The following KLC3 variants were observed in gnomAD, a reference collection of about 807,000 sequenced individuals.
The protein encoded by KLC3 is kinesin light chain 2.
Under a neutral mutation model 62.9 loss-of-function variants are expected in KLC3, and 72 were observed. That is an observed-to-expected ratio of 1.15 (90% CI 0.95 to 1.39). The LOEUF is 1.39. Ranked by LOEUF, KLC3 falls within the 40% of genes most tolerant of loss-of-function variation. The pLI, the probability that KLC3 is intolerant of heterozygous loss-of-function variation, is 0.00. For missense variants in KLC3, 848 were observed against 691.6 expected, an observed-to-expected ratio of 1.23 and a Z score of -2.54; for synonymous variants, 377 against 300.5, an observed-to-expected ratio of 1.25 and a Z score of -2.63.
intron 1 of KLC3, among the ~76,000 whole-genome samples, chr19:45,342,102 G>A (rs953322088): frequency 6.6e-6 from 1 of 152,070 alleles, no homozygotes; most frequent in Non-Finnish European, 1.5e-5. Context: ...TGCTGTGGTT[G>A]TCAATCTGGC....
chr19:45,341,578 T>TGTGTGTGTGTGCGCGCGCAC, intron 1 of KLC3, among the ~76,000 whole-genome samples: 19 of 139,798 alleles, frequency 1.4e-4, no homozygotes, highest in African/African-American at 5.1e-4. Context: ...TGTGTGTGTG[T>TGTGTGTGTGTGCGCGCGCAC]GCGCGCGCGC....
At chr19:45,349,337 TA>T in intron 7 of KLC3, 91 bp from the exon 8 acceptor site, 1 of 1,334,870 alleles carries the variant, frequency 7.5e-7, no homozygotes, top group Non-Finnish European at 1.0e-6. Context: ...TTTGACCCTG[TA>T]ATCCCCAACT....
chr19:45,350,783 T>G (rs756865438), intron 11 of KLC3, 36 bp downstream of exon 11: 23 of 1,568,932 alleles, frequency 1.5e-5, no homozygotes, highest in Non-Finnish European at 1.8e-5. Context: ...AGCCCTGACA[T>G]CAGCAGAATC....
rs200961718 is a variant in KLC3 at position 45,350,402 on chromosome 19, T to C, written c.1205T>C (p.Leu402Pro). ...QQAEELYKEI[L>P]HKEDLPAPLG... is the part of the protein sequence containing the mutation. ...GCGGAAGAGCTGTACAAAGAAATCCTCCACAAGGAGGACCTACCCGCCCCT... is the reference window on the plus strand; with the variant it reads ...GCGGAAGAGCTGTACAAAGAAATCCCCCACAAGGAGGACCTACCCGCCCCT... The change falls in exon 9 of 13, where the codon CTC becomes CCC. Residue 402 changes from leucine to proline, a missense_variant. Leu to Pro is a moderately conservative substitution (Grantham distance 98, BLOSUM62 -3). Coordinates refer to ENST00000391946, the MANE Select transcript of KLC3 (RefSeq NM_177417.3). 2.5e-4 allele frequency: 398 copies of C among 1,612,228 alleles called. No individual in the cohort carries two copies. Among genetic ancestry groups the C allele is most frequent in the Non-Finnish European group, 3.3e-4 (385 of 1,179,700 alleles).
intron 8 of KLC3, 76 bp downstream of exon 8, chr19:45,349,678 G>T: frequency 9.3e-7 from 1 of 1,078,038 alleles, no homozygotes; most frequent in South Asian, 1.7e-5. Context: ...GTTGGATACA[G>T]GGTGAGCAAC....
At chr19:45,346,362 AATC>A (rs1417228654) in intron 2 of KLC3, among the ~76,000 whole-genome samples, 179 bp from the exon 3 acceptor site, 2 of 151,994 alleles carry the variant, frequency 1.3e-5, no homozygotes, top group Non-Finnish European at 2.9e-5. Context: ...TTGGGGGTAA[AATC>A]AGAGGGGCCC....
intron 5 of KLC3, 139 bp downstream of exon 5, chr19:45,348,299 G>A: frequency 7.4e-6 from 6 of 806,256 alleles, no homozygotes; most frequent in Non-Finnish European, 9.7e-6. Flanking sequence ...AATGGGAAAG[G>A]AAGGGAAGGC....
chr19:45,346,866 ATCC>A (rs1971509872), intron 3 of KLC3, 92 bp downstream of exon 3: 2 of 1,222,220 alleles, frequency 1.6e-6, no homozygotes, highest in Non-Finnish European at 2.3e-6. Flanking sequence ...AGTCCCCAAG[ATCC>A]TCCTTAGAAT....
chr19:45,351,090 G>A (rs192250981), intron 12 of KLC3, 73 bp downstream of exon 12: 200 of 1,611,712 alleles, frequency 1.2e-4, no homozygotes, highest in East Asian at 2.7e-4. Context: ...AAGGCAGGGC[G>A]GTCGGGCCAG....
intron 8 of KLC3, 64 bp from the exon 9 acceptor site, chr19:45,350,277 C>A: frequency 1.7e-6 from 2 of 1,173,386 alleles, no homozygotes; most frequent in Non-Finnish European, 2.4e-6. Context: ...AAAAAAAAGG[C>A]GGGACTGGAT....
At chr19:45,346,245 C>T (rs569084976) in intron 2 of KLC3, among the ~76,000 whole-genome samples, 18 of 152,104 alleles carry the variant, frequency 1.2e-4, no homozygotes, top group African/African-American at 4.3e-4. Flanking sequence ...AGGGGAGGCT[C>T]CAGGTCAGAG....
rs369257383 is a variant in KLC3 at position 45,346,685 on chromosome 19, G to A, written c.400G>A (p.Glu134Lys). The change falls in exon 3 of 13, where the codon GAG (glutamate) becomes AAG (lysine). Residue 134 changes from glutamate to lysine, a missense_variant. Glu to Lys is a moderately conservative substitution (Grantham distance 56, BLOSUM62 1). Transcript: ENST00000391946. ...EETQRRLRAS[E>K]ESVAQLEEEK... ...GACGCAGCGGCGGCTTCGGGCCAGCGAGGAGTCCGTGGCCCAGCTGGAGGA... is the reference window on the plus strand; with the variant it reads ...GACGCAGCGGCGGCTTCGGGCCAGCAAGGAGTCCGTGGCCCAGCTGGAGGA... The A allele has an allele frequency of 2.8e-5, 43 of 1,563,270 alleles. 1 individual carries two copies. The Middle Eastern group carries it at 2.1e-3, about 75-fold the overall frequency.
chr19:45,342,982 G>A (rs73572584), intron 1 of KLC3, among the ~76,000 whole-genome samples: 2,308 of 152,292 alleles, frequency 0.015, 52 homozygotes, highest in African/African-American at 0.051. Context: ...GTGCGAGAAC[G>A]TGGCATCCCT....
chr19:45,347,479 G>A lies in KLC3; in HGVS notation c.522G>A (p.Leu174=), dbSNP rs1456359691. 1.2e-6 allele frequency: 2 copies of A among 1,612,728 alleles called. No individual in the cohort carries two copies. The highest frequency in any genetic ancestry group is 2.7e-5 in the African/African-American group (2 of 74,836). The change falls in exon 4 of 13, where the codon CTG becomes CTA. Residue 174 remains leucine, a synonymous_variant. Coordinates refer to ENST00000391946, the MANE Select transcript of KLC3 (RefSeq NM_177417.3). The stretch of plus-strand genomic sequence containing the variant: ...AGTCCCCGCCTCGCCGAGACAGCCT[G>A]GCCTCCCTGTTCCCCAGCGAGGAGG... ...QSESPPRRDS[L]ASLFPSEEEE...
chr19:45,349,537 C>T lies in KLC3; in HGVS notation c.1078C>T (p.Leu360=). Residue 360 remains leucine (L), a synonymous_variant, in exon 8 of 13, where the codon CTG becomes TTG. Transcript: ENST00000391946. ...CGTGGAGCGGCACTATGCCCGGGCC[C>T]TGAGCATCTATGAGGCACTGGGCGG... ...EDVERHYARA[L]SIYEALGGPH... The T allele has an allele frequency of 6.2e-7, 1 of 1,614,070 alleles. No individual in the cohort carries two copies. The highest frequency in any genetic ancestry group is 2.2e-5 in the East Asian group (1 of 44,876).
intron 5 of KLC3, 130 bp from the exon 6 acceptor site, chr19:45,348,516 C>A: frequency 1.2e-6 from 1 of 869,300 alleles, no homozygotes. Flanking sequence ...ACAAAAGGCC[C>A]TCAAAGGGTG....
At chr19:45,349,705 G>GCCCCCCGCCCCCCCCCC in intron 8 of KLC3, 103 bp downstream of exon 8, 1 of 789,684 alleles carries the variant, frequency 1.3e-6, no homozygotes. Context: ...GTGGGGGGGG[G>GCCCCCCGCCCCCCCCCC]CCCCCCAGGC....
In KLC3 at chr19:45,351,453, C is replaced by G; in HGVS notation, c.*96C>G. 4 of 1,583,024 alleles carry G rather than the reference C, an allele frequency of 2.5e-6. No homozygotes were observed. Among genetic ancestry groups the G allele is most frequent in the Middle Eastern group, 1.7e-4 (1 of 5,920 alleles). ...GGGGTCTATCATCTCCTGGCCCCCC[C>G]TTGCCTCTGGGTACCTGGTGGATAG... On this transcript the variant is annotated 3_prime_UTR_variant, in exon 13 of 13. Transcript: ENST00000391946.
intron 4 of KLC3, 151 bp from the exon 5 acceptor site, chr19:45,347,790 C>G (rs1971539611): frequency 7.1e-6 from 5 of 700,362 alleles, no homozygotes; most frequent in Non-Finnish European, 7.3e-6. Context: ...TGGTTAGATG[C>G]TAGTGACTCC....
Sources: gnomAD v4.1 joint callset for allele counts (sites outside exome capture counted in the v4.1 genomes callset) on GRCh38, gnomAD v4.1.1 for gene constraint, MANE v1.5 for transcripts, NCBI Gene and HGNC (gene_info 2026-07-23, HGNC 2026-07-21) for gene names.